Variants in CPVL observed in about 807,000 individuals in gnomAD.
CPVL encodes the protein probable serine carboxypeptidase CPVL.
A neutral mutation model predicts 63.7 loss-of-function variants in CPVL; 51 were observed. The observed-to-expected ratio is 0.80, with a 90% CI of 0.64 to 1.01. The LOEUF (loss-of-function observed/expected upper bound fraction) is 1.01. CPVL is among the 50% of genes least tolerant of loss of function. CPVL has a pLI of 0.00. For missense variants in CPVL, 530 were observed against 573.1 expected (o/e 0.92, Z 0.77); for synonymous variants, 195 against 206.0 (o/e 0.95, Z 0.46).
At chr7:29,089,352 T>C (rs769170563) in intron 6 of CPVL, among the ~76,000 whole-genome samples, 9 of 152,124 alleles carry the variant, frequency 5.9e-5, no homozygotes, top group Non-Finnish European at 1.2e-4. Flanking sequence ...GTCAGAAGCA[T>C]AATCATAAAC....
chr7:29,085,662 T>C (rs767385633), intron 7 of CPVL, among the ~76,000 whole-genome samples: 5 of 152,190 alleles, frequency 3.3e-5, no homozygotes, highest in Non-Finnish European at 7.3e-5. Context: ...AACAGGTGCC[T>C]TCACAATGGC....
upstream of CPVL, among the ~76,000 whole-genome samples, chr7:29,149,254 G>A (rs11971828): frequency 0.36 from 48,908 of 136,970 alleles, 8,437 homozygotes; most frequent in Middle Eastern, 0.39. Context: ...CTGCAATGTC[G>A]CAATCTCAGC....
At chr7:29,021,654 C>T (rs887444434) in intron 12 of CPVL, among the ~76,000 whole-genome samples, 1 of 152,044 alleles carries the variant, frequency 6.6e-6, no homozygotes, top group Non-Finnish European at 1.5e-5. Context: ...GAGAGCCCCT[C>T]AGCCCTCACA....
chr7:29,144,128 C>G (rs898253878), intron 1 of CPVL, among the ~76,000 whole-genome samples: 1 of 152,174 alleles, frequency 6.6e-6, no homozygotes, highest in Non-Finnish European at 1.5e-5. Flanking sequence ...CTAGAGGTAT[C>G]TTTCTAATTC....
At chr7:29,062,164 G>C (rs1438870253) in intron 11 of CPVL, among the ~76,000 whole-genome samples, 1 of 152,168 alleles carries the variant, frequency 6.6e-6, no homozygotes, top group Admixed American at 6.5e-5. Context: ...CAGGTTTATA[G>C]ATATATTTTT....
rs1010459663 is a variant in CPVL at position 29,056,245 on chromosome 7, G to A, written c.1137+7816C>T. On this transcript the variant is annotated intron_variant, in intron 11 of 12. Transcript: ENST00000265394. ...TTAGAACTCACTGTTGGTGTTATGC[G>A]GTCCATGGGTTTTGACAAATGCATA... 6.6e-5 allele frequency among the ~76,000 whole-genome samples: 10 copies of A among 152,216 alleles called. No individual in the cohort carries two copies. In the South Asian group the frequency reaches 8.3e-4, roughly 13 times the overall value.
At chr7:29,060,818 C>T (rs1281343214) in intron 11 of CPVL, among the ~76,000 whole-genome samples, 2 of 152,142 alleles carry the variant, frequency 1.3e-5, no homozygotes, top group African/African-American at 4.8e-5. Flanking sequence ...AACAGGCATG[C>T]TATTTTCTAT....
chr7:29,194,829 C>G, intron 1 of CPVL: 1 of 994,450 alleles, frequency 1.0e-6, no homozygotes, highest in Non-Finnish European at 1.3e-6. Context: ...TGCGCGTCCC[C>G]AGGACTTTGC....
intron 12 of CPVL, among the ~76,000 whole-genome samples, chr7:28,999,319 C>T (rs894213748): frequency 6.6e-6 from 1 of 152,172 alleles, no homozygotes; most frequent in African/African-American, 2.4e-5. Context: ...CTTTCCAATT[C>T]GGAAGGTCCA....
Position 29,092,718 on chromosome 7 carries a change from A to T in CPVL, c.463-16T>A, listed in dbSNP as rs1012905095. The T allele has an allele frequency of 2.5e-6, 4 of 1,575,126 alleles. No individual in the cohort carries two copies. In the Admixed American group the frequency reaches 5.0e-5, roughly 20 times the overall value. Reference sequence around the variant, plus strand: ...CTGTGCCCACCTGCAGGAGAAATAAACACGCAGGTATAAACACAGAGAAAC... The same window carrying T: ...CTGTGCCCACCTGCAGGAGAAATAATCACGCAGGTATAAACACAGAGAAAC... On this transcript the variant is annotated splice_polypyrimidine_tract_variant and intron_variant, in intron 5 of 12. Coordinates refer to ENST00000265394, the MANE Select transcript of CPVL (RefSeq NM_031311.5).
intron 3 of CPVL, among the ~76,000 whole-genome samples, chr7:29,110,314 G>C (rs545821441): frequency 6.6e-6 from 1 of 152,174 alleles, no homozygotes; most frequent in Non-Finnish European, 1.5e-5. Flanking sequence ...ACCTCCACAG[G>C]CTGCACAGGT....
At chr7:29,162,482 A>G (rs1229071049) in intron 5 of CPVL, among the ~76,000 whole-genome samples, 1 of 152,036 alleles carries the variant, frequency 6.6e-6, no homozygotes, top group Non-Finnish European at 1.5e-5. Flanking sequence ...ACCAACATGG[A>G]GAAGCCCCAT....
chr7:29,056,948 T>C (rs1385534647), intron 11 of CPVL, among the ~76,000 whole-genome samples: 2 of 104,996 alleles, frequency 1.9e-5, no homozygotes, highest in African/African-American at 3.7e-5. Flanking sequence ...CTTTTCCTTT[T>C]CTTTTTTTTT....
At chr7:29,092,506 T>C in intron 6 of CPVL, 117 bp downstream of exon 6, 1 of 664,700 alleles carries the variant, frequency 1.5e-6, no homozygotes. Context: ...TAAATTATCT[T>C]CAGGAATTGG....
chr7:29,096,402 A>C, intron 3 of CPVL, 185 bp from the exon 4 acceptor site: 1 of 600,044 alleles, frequency 1.7e-6, no homozygotes. Flanking sequence ...TGGTTCTTTG[A>C]ATGAGGCTGT....
intron 3 of CPVL, among the ~76,000 whole-genome samples, chr7:29,103,186 G>GCC (rs1427405221): frequency 7.8e-5 from 10 of 128,126 alleles, no homozygotes; most frequent in African/African-American, 3.0e-4. Context: ...ATACTGGGGG[G>GCC]GGGGGGGGGG....
intron 11 of CPVL, among the ~76,000 whole-genome samples, chr7:29,053,855 C>A (rs1328481421): frequency 6.7e-6 from 1 of 148,594 alleles, no homozygotes; most frequent in East Asian, 2.0e-4. Context: ...GAGTTTGACA[C>A]CAGCCTGGGC....
intron 1 of CPVL, chr7:29,194,430 G>C (rs1783338261): frequency 6.5e-6 from 1 of 153,102 alleles, no homozygotes; most frequent in East Asian, 2.0e-4. Context: ...TTGTGTGTGC[G>C]CGAGCGGAGT....
At chr7:29,098,791 G>T (rs1034385348) in intron 3 of CPVL, among the ~76,000 whole-genome samples, 3 of 152,156 alleles carry the variant, frequency 2.0e-5, no homozygotes, top group Non-Finnish European at 4.4e-5. Flanking sequence ...GGCCAGGCAC[G>T]GTGGCTCGTG....
Sources: allele counts gnomAD v4.1 joint callset (sites outside exome capture counted in the v4.1 genomes callset), GRCh38; gene constraint gnomAD v4.1.1; transcripts MANE v1.5; gene names NCBI Gene and HGNC (gene_info 2026-07-23, HGNC 2026-07-21).